SHC3: variants seen among roughly 807,000 people sequenced by gnomAD.
SHC3 encodes the protein SHC-transforming protein 3.
Under a neutral mutation model 60.4 loss-of-function variants are expected in SHC3, and 15 were observed. That is an observed-to-expected ratio of 0.25 (90% CI 0.17 to 0.38). The LOEUF (loss-of-function observed/expected upper bound fraction) is 0.38, where lower values mean the gene tolerates loss of function less well. Among genes scored for constraint, SHC3 ranks in the 10% least tolerant of loss-of-function variants. The pLI is 1.00. For missense variants in SHC3, 677 were observed against 786.1 expected, an observed-to-expected ratio of 0.86 and a Z score of 1.66; for synonymous variants, 294 against 325.9, an observed-to-expected ratio of 0.90 and a Z score of 1.05.
chr9:89,027,769 A>G (rs1266050757), intron 11 of SHC3, among the ~76,000 whole-genome samples: 1 of 152,206 alleles, frequency 6.6e-6, no homozygotes, highest in Non-Finnish European at 1.5e-5. Context: ...ATTACAGACT[A>G]ACAGAAAAGA....
intron 2 of SHC3, chr9:89,110,055 G>A: frequency 2.0e-6 from 2 of 985,340 alleles, no homozygotes; most frequent in Non-Finnish European, 2.4e-6. Context: ...TCAGAACCCA[G>A]CCAATACACT....
At chr9:89,071,348 T>C in intron 4 of SHC3, 96 bp from the exon 5 acceptor site, 1 of 1,259,808 alleles carries the variant, frequency 7.9e-7, no homozygotes, top group Non-Finnish European at 1.1e-6. Context: ...CAAATTGACA[T>C]GTTTTCCTGA....
chr9:89,077,416 A>C (rs1825376802), intron 3 of SHC3, among the ~76,000 whole-genome samples: 1 of 152,170 alleles, frequency 6.6e-6, no homozygotes, highest in Non-Finnish European at 1.5e-5. Context: ...ACATCACACA[A>C]ATCAGAAAAT....
chr9:89,103,239 G>A (rs1425632553), intron 2 of SHC3, among the ~76,000 whole-genome samples: 1 of 142,564 alleles, frequency 7.0e-6, no homozygotes, highest in Non-Finnish European at 1.5e-5. Flanking sequence ...AGAGAGAGAC[G>A]GGAAAAAGAG....
chr9:89,046,665 G>A (rs1824780049), intron 8 of SHC3, among the ~76,000 whole-genome samples, 179 bp downstream of exon 8: 1 of 152,182 alleles, frequency 6.6e-6, no homozygotes, highest in African/African-American at 2.4e-5. Context: ...GCTTTATGAT[G>A]TTAACCCAAA....
chr9:89,122,876 G>C (rs1459561793), intron 1 of SHC3, among the ~76,000 whole-genome samples: 1 of 152,162 alleles, frequency 6.6e-6, no homozygotes, highest in South Asian at 2.1e-4. Flanking sequence ...CTTGCTTCCC[G>C]ATCAGCATAG....
chr9:89,075,693 G>C (rs1228571609), intron 3 of SHC3, among the ~76,000 whole-genome samples: 1 of 152,206 alleles, frequency 6.6e-6, no homozygotes, highest in African/African-American at 2.4e-5. Flanking sequence ...AGAGATGCAA[G>C]GATGTTCGCG....
At chr9:89,174,498 G>C (rs1465889341) in intron 1 of SHC3, among the ~76,000 whole-genome samples, 2 of 152,316 alleles carry the variant, frequency 1.3e-5, no homozygotes, top group Middle Eastern at 6.8e-3. Flanking sequence ...TTTATGAATG[G>C]CGTAATCTGC....
chr9:89,158,835 A>C (rs1826664594), intron 1 of SHC3, among the ~76,000 whole-genome samples: 2 of 152,236 alleles, frequency 1.3e-5, no homozygotes, highest in South Asian at 4.1e-4. Context: ...ACTATTCCAT[A>C]GTGTAAATGT....
At chr9:89,025,759 A>G (rs1276842664) in intron 11 of SHC3, among the ~76,000 whole-genome samples, 5 of 152,224 alleles carry the variant, frequency 3.3e-5, no homozygotes, top group Admixed American at 3.3e-4. Context: ...GCAGGCCCTG[A>G]AAGAGATTAA....
rs542030096 is a variant in SHC3, at chr9:89,070,861, C to A, written c.783+338G>T. On this transcript the variant is annotated intron_variant, in intron 5 of 11. Transcript: ENST00000375835. ...TTAATATGGAGGTCCAATAAAAAAA[C>A]AAAAAGTAGGGCAAGAGCCGAGTGA... Among the ~76,000 whole-genome samples, 827 of 152,204 alleles carry A rather than the reference C, an allele frequency of 5.4e-3. 7 individuals are homozygous for A. Among genetic ancestry groups the A allele is most frequent in the African/African-American group, 0.019 (769 of 41,518 alleles).
intron 10 of SHC3, among the ~76,000 whole-genome samples, chr9:89,038,849 C>T (rs1182453501): frequency 6.6e-6 from 1 of 152,226 alleles, no homozygotes; most frequent in East Asian, 1.9e-4. Context: ...TTGCCCCAGG[C>T]TAGGAGCTCC....
At chr9:89,043,660 T>A (rs11137491) in intron 9 of SHC3, among the ~76,000 whole-genome samples, 52,730 of 151,630 alleles carry the variant, frequency 0.35, 10,409 homozygotes, top group African/African-American at 0.52. Flanking sequence ...TTATTTTTTT[T>A]TTTTTTTTTG....
chr9:89,044,854 T>C (rs1224368093), intron 9 of SHC3, among the ~76,000 whole-genome samples: 1 of 152,144 alleles, frequency 6.6e-6, no homozygotes, highest in African/African-American at 2.4e-5. Flanking sequence ...TGTAGGTGCA[T>C]ATTATGATTG....
chr9:89,048,647 T>G (rs1824812074), intron 7 of SHC3, among the ~76,000 whole-genome samples: 1 of 152,222 alleles, frequency 6.6e-6, no homozygotes, highest in African/African-American at 2.4e-5. Context: ...AAAGAGCAAT[T>G]TGATTATATA....
chr9:89,086,851 C>T (rs1023971658), intron 2 of SHC3, among the ~76,000 whole-genome samples: 1 of 152,204 alleles, frequency 6.6e-6, no homozygotes, highest in Admixed American at 6.5e-5. Context: ...GCATATTTCA[C>T]AGTACACAGT....
At chr9:89,103,245 A>AAG (rs10671895) in intron 2 of SHC3, among the ~76,000 whole-genome samples, 34,794 of 152,078 alleles carry the variant, frequency 0.23, 4,283 homozygotes, top group African/African-American at 0.31. Context: ...AGACGGGAAA[A>AAG]AGAGAAATGA....
rs1587671864 is a variant in SHC3 at position 89,011,915 on chromosome 9, C to T, written c.*1532G>A. ...ATCTGGCCACACGCACACCCCAAGG[C>T]AGAAATGGGGCTCATACCATTGGCA... On this transcript the variant is annotated 3_prime_UTR_variant, in exon 12 of 12. Transcript: ENST00000375835. 6.6e-6 allele frequency: 1 copy of T among 152,294 alleles called. No individual in the cohort carries two copies. The highest frequency in any genetic ancestry group is 1.9e-4 in the East Asian group (1 of 5,212). 9.4% of individuals were successfully genotyped at this position (152,294 alleles called of 1,614,324 possible).
chr9:89,066,634 T>A (rs6559338), intron 5 of SHC3, among the ~76,000 whole-genome samples: 17 of 152,094 alleles, frequency 1.1e-4, no homozygotes, highest in Admixed American at 9.8e-4. Context: ...TTCAAGACTC[T>A]GTGGGGCAAC....
Sources: gnomAD v4.1 joint callset for allele counts (sites outside exome capture counted in the v4.1 genomes callset) on GRCh38, gnomAD v4.1.1 for gene constraint, MANE v1.5 for transcripts, NCBI Gene and HGNC (gene_info 2026-07-23, HGNC 2026-07-21) for gene names.